EMCN: variants seen among roughly 807,000 people sequenced by gnomAD.
EMCN encodes the protein MUC-14.
In EMCN, 37 loss-of-function variants were observed where a neutral mutation model predicts 38.4. That is an observed-to-expected ratio of 0.96 (90% CI 0.74 to 1.27). The LOEUF (loss-of-function observed/expected upper bound fraction) is 1.27, where lower values mean the gene tolerates loss of function less well. Ranked by LOEUF, EMCN falls within the 50% of genes most tolerant of loss-of-function variation. The probability of loss-of-function intolerance (pLI) is 0.00; values close to 1 mark genes in which losing one functional copy is unlikely to be tolerated. For synonymous variants in EMCN, 95 were observed against 100.8 expected (o/e 0.94, Z 0.35); for missense variants, 318 against 302.8 (o/e 1.05, Z -0.37).
chr4:100,418,974 T>C (rs2110215706), intron 8 of EMCN, among the ~76,000 whole-genome samples: 1 of 152,258 alleles, frequency 6.6e-6, no homozygotes. Flanking sequence ...CAAGCTGTTC[T>C]CCATAGTGGT....
At chr4:100,426,717 A>G (rs1381373985) in intron 5 of EMCN, among the ~76,000 whole-genome samples, 1 of 152,154 alleles carries the variant, frequency 6.6e-6, no homozygotes, top group Non-Finnish European at 1.5e-5. Context: ...TCATAAGGGA[A>G]ATATCTGTTT....
At chr4:100,407,017 T>C (rs1490540442) in intron 11 of EMCN, among the ~76,000 whole-genome samples, 2 of 152,160 alleles carry the variant, frequency 1.3e-5, no homozygotes. Flanking sequence ...AAAGTCTGTT[T>C]TGTCTGAAAT....
At chr4:100,448,971 CTTCA>C (rs1412692923) in intron 4 of EMCN, among the ~76,000 whole-genome samples, 1 of 151,932 alleles carries the variant, frequency 6.6e-6, no homozygotes, top group African/African-American at 2.4e-5. Context: ...CATCTCATTG[CTTCA>C]TTCATTCAAC....
At chr4:100,428,797 C>T (rs1375794598) in intron 5 of EMCN, among the ~76,000 whole-genome samples, 1 of 152,084 alleles carries the variant, frequency 6.6e-6, no homozygotes, top group African/African-American at 2.4e-5. Flanking sequence ...ACTCTAGGTC[C>T]ACCACTAAAT....
At chr4:100,464,375 A>G (rs1249055111) in intron 4 of EMCN, among the ~76,000 whole-genome samples, 2 of 152,066 alleles carry the variant, frequency 1.3e-5, no homozygotes, top group Non-Finnish European at 2.9e-5. Context: ...ATCTAAATGT[A>G]TCTATGTATT....
At position 100,475,659 on chromosome 4, in the gene EMCN, C is replaced by CTGTTTTTTTTTTTTTTTTTTTTTTTTTTT. The variant is rs1560631485; in HGVS notation, c.188-551_188-550insAAAAAAAAAAAAAAAAAAAAAAAAAAACA. Among the ~76,000 whole-genome samples, 2 of 60,314 alleles carry CTGTTTTTTTTTTTTTTTTTTTTTTTTTTT rather than the reference C, an allele frequency of 3.3e-5. 1 individual carries two copies. 39.6% of individuals were successfully genotyped at this position (60,314 alleles called of 152,430 possible). A position where few individuals can be genotyped will look rare whatever the true frequency, so the allele number is the denominator to read the frequency against. On this transcript the variant is annotated intron_variant, in intron 2 of 11. Transcript: ENST00000296420. ...TTGAGGGCAGTATCCAATTCTAGTCCTTTTTTTTTTTTTTTTTTTTTTTTT... is the reference window on the plus strand; with the variant it reads ...TTGAGGGCAGTATCCAATTCTAGTCCTGTTTTTTTTTTTTTTTTTTTTTTTTTTTTTTTTTTTTTTTTTTTTTTTTTTTT...
intron 1 of EMCN, among the ~76,000 whole-genome samples, chr4:100,484,701 G>C (rs190429689): frequency 2.0e-5 from 3 of 152,198 alleles, no homozygotes; most frequent in Non-Finnish European, 4.4e-5. Context: ...GCTTCTTCTA[G>C]ATCAACATAA....
chr4:100,446,222 TCCTCTAGTGCCTGC>T (rs1347734850), intron 5 of EMCN: 1 of 985,088 alleles, frequency 1.0e-6, no homozygotes, highest in East Asian at 1.1e-4. Flanking sequence ...TTGCTGTTTT[TCCTCTAGTGCCTGC>T]CAATTTTTAG....
intron 1 of EMCN, among the ~76,000 whole-genome samples, chr4:100,500,589 C>A (rs979422268): frequency 6.6e-6 from 1 of 152,024 alleles, no homozygotes; most frequent in African/African-American, 2.4e-5. Context: ...GAACTACTCT[C>A]TATGTGTACA....
intron 1 of EMCN, among the ~76,000 whole-genome samples, chr4:100,500,117 T>A (rs1035141961): frequency 1.6e-4 from 24 of 152,172 alleles, no homozygotes; most frequent in Non-Finnish European, 2.5e-4. Context: ...AAAGAGTTTG[T>A]TATTGTCACA....
chr4:100,472,686 A>C (rs1341580305), intron 3 of EMCN, among the ~76,000 whole-genome samples: 2 of 152,120 alleles, frequency 1.3e-5, no homozygotes, highest in Non-Finnish European at 2.9e-5. Context: ...CTTGGATAAA[A>C]AAGAAAAAGT....
intron 4 of EMCN, among the ~76,000 whole-genome samples, chr4:100,455,044 A>T (rs767616256): frequency 1.3e-5 from 2 of 152,110 alleles, no homozygotes; most frequent in Non-Finnish European, 2.9e-5. Flanking sequence ...ATTTTATGTG[A>T]TAAATTATTA....
In EMCN at chr4:100,453,915, C is replaced by T. The variant is rs189614266; in HGVS notation, c.377-6344G>A. Among the ~76,000 whole-genome samples, 363 of 150,058 alleles carry T rather than the reference C, an allele frequency of 2.4e-3. 6 individuals carry two copies. The highest frequency in any genetic ancestry group is 8.4e-3 in the African/African-American group (342 of 40,730). On this transcript the variant is annotated intron_variant, in intron 4 of 11. Coordinates refer to ENST00000296420, the MANE Select transcript of EMCN (RefSeq NM_016242.4). The stretch of plus-strand genomic sequence containing the variant: ...GAAACCATCATTCTCAGCAAACTAT[C>T]GCAAGGTCAAAAACACCAAACACCG...
chr4:100,464,842 T>C (rs968649644), intron 4 of EMCN, among the ~76,000 whole-genome samples: 7 of 152,088 alleles, frequency 4.6e-5, no homozygotes, highest in African/African-American at 1.7e-4. Flanking sequence ...GCTTTTTCTT[T>C]TCATTCTTTT....
At chr4:100,453,644 C>T (rs879693233) in intron 4 of EMCN, among the ~76,000 whole-genome samples, 2 of 151,960 alleles carry the variant, frequency 1.3e-5, no homozygotes, top group Admixed American at 6.6e-5. Flanking sequence ...ACTAGAAATA[C>T]CATTTGACCC....
chr4:100,437,195 T>A (rs192693553), intron 5 of EMCN, among the ~76,000 whole-genome samples: 112 of 152,324 alleles, frequency 7.4e-4, no homozygotes, highest in African/African-American at 2.5e-3. Context: ...TGACCACATT[T>A]GCATGCACAT....
intron 4 of EMCN, among the ~76,000 whole-genome samples, chr4:100,458,380 G>T (rs1728076980): frequency 6.6e-6 from 1 of 151,914 alleles, no homozygotes; most frequent in South Asian, 2.1e-4. Context: ...CAGAATTATT[G>T]CCTCCATTAT....
intron 1 of EMCN, among the ~76,000 whole-genome samples, chr4:100,484,508 T>A (rs1322087683): frequency 6.6e-6 from 1 of 152,186 alleles, no homozygotes; most frequent in Non-Finnish European, 1.5e-5. Flanking sequence ...CACCTATGCC[T>A]CCTGAGTAGC....
At chr4:100,506,107 C>T (rs1040751647) in intron 1 of EMCN, among the ~76,000 whole-genome samples, 9 of 152,044 alleles carry the variant, frequency 5.9e-5, no homozygotes, top group Non-Finnish European at 5.9e-5. Context: ...AAATCATTTT[C>T]TAAGTTTTAT....
Sources: allele counts gnomAD v4.1 joint callset (sites outside exome capture counted in the v4.1 genomes callset), GRCh38; gene constraint gnomAD v4.1.1; transcripts MANE v1.5; gene names NCBI Gene and HGNC (gene_info 2026-07-23, HGNC 2026-07-21).